The following ZNF785 variants were observed in gnomAD, a reference collection of about 807,000 sequenced individuals.
ZNF785 encodes the protein zinc finger protein 785.
ZNF785 carries 15 observed loss-of-function variants against 11.3 expected under a neutral mutation model. The observed-to-expected ratio is 1.32, with a 90% confidence interval of 0.89 to 2.04. ZNF785 has a LOEUF of 2.04. Ranked by LOEUF, ZNF785 falls within the 30% of genes most tolerant of loss-of-function variation. The probability of loss-of-function intolerance (pLI) is 0.00; values close to 1 mark genes in which losing one functional copy is unlikely to be tolerated. For missense variants in ZNF785, 572 were observed against 560.9 expected (o/e 1.02, Z -0.20); for synonymous variants, 221 against 231.0 (o/e 0.96, Z 0.39).
intron 2 of ZNF785, chr16:30,583,724 G>A: frequency 3.2e-6 from 1 of 314,920 alleles, no homozygotes; most frequent in Non-Finnish European, 5.8e-6. Flanking sequence ...GGGTGCCATG[G>A]CTCACACCTG....
At chr16:30,579,877 T>C, downstream of ZNF785, 1 of 455,230 alleles carries the variant, frequency 2.2e-6, no homozygotes, top group Admixed American at 2.4e-5. Flanking sequence ...CTCTCTTAAC[T>C]GTTGTTTTTT....
In ZNF785 at chr16:30,582,684, C is replaced by A; in HGVS notation, c.1094G>T (p.Cys365Phe). The A allele has an allele frequency of 6.2e-7, 1 of 1,614,080 alleles. No individual in the cohort carries two copies. Among genetic ancestry groups the A allele is most frequent in the South Asian group, 1.1e-5 (1 of 91,078 alleles). ...LEAHRWIHRS[C>F]SERRAWQQAV... ...CTGCTGCCACGCGCGCCTCTCGCTG[C>A]AGGAGCGGTGGATCCACCGATGGGC... Residue 365 changes from cysteine to phenylalanine, a missense_variant, in exon 3 of 3, where the codon TGC becomes TTC. Physicochemically the swap from Cys to Phe is radical, Grantham distance 205 (BLOSUM62 -2). Transcript: ENST00000395216.
chr16:30,583,359 T>G lies in ZNF785; in HGVS notation c.419A>C (p.Glu140Ala), dbSNP rs966422683. The change falls in exon 3 of 3, where the codon GAG becomes GCG. Residue 140 changes from glutamate (E) to alanine (A), a missense_variant. Transcript: ENST00000395216. ...TGGGCAGGCGACGCTGGGCCACCAC[T>G]CCTTGACAGCCACTTCATGCGCCAC... Reference protein sequence around the residue: ...KEVAHEVAVKEWWPSVACPEF... With the variant: ...KEVAHEVAVKAWWPSVACPEF... 1.9e-6 allele frequency: 3 copies of G among 1,612,622 alleles called. No individual in the cohort carries two copies. Among genetic ancestry groups the G allele is most frequent in the Admixed American group, 3.3e-5 (2 of 59,708 alleles).
chr16:30,583,052 G>A lies in ZNF785; in HGVS notation c.726C>T (p.Ser242=), dbSNP rs2051840525. ...TGTGAGCCCGCCTGTGGATAGCCAGGGAACCCCTCTGGCGGAAGCGGCGCC... is the reference window on the plus strand; with the variant it reads ...TGTGAGCCCGCCTGTGGATAGCCAGAGAACCCCTCTGGCGGAAGCGGCGCC... The part of the protein sequence containing the change: ...DCGRRFRQRG[S]LAIHRRAHTG... Residue 242 remains serine (S), a synonymous_variant, in exon 3 of 3, where the codon TCC becomes TCT. Transcript: ENST00000395216. 6.2e-7 allele frequency: 1 copy of A among 1,613,836 alleles called. No individual in the cohort carries two copies.
chr16:30,581,119 A>T lies in ZNF785; in HGVS notation c.*1441T>A, dbSNP rs2051802887. The T allele has an allele frequency of 6.6e-6, 1 of 151,946 alleles. No homozygotes were observed. Among genetic ancestry groups the T allele is most frequent in the Admixed American group, 6.6e-5 (1 of 15,180 alleles). 9.4% of individuals were successfully genotyped at this position (151,946 alleles called of 1,614,324 possible). On this transcript the variant is annotated 3_prime_UTR_variant, in exon 3 of 3. Coordinates refer to ENST00000395216, the MANE Select transcript of ZNF785 (RefSeq NM_152458.7). ...GCGGAGGTTGCAGTGAGCCAAGATCATGCCATTGCACTCTAGCCTGGGCAA... is the reference window on the plus strand; with the variant it reads ...GCGGAGGTTGCAGTGAGCCAAGATCTTGCCATTGCACTCTAGCCTGGGCAA...
At chr16:30,584,842 C>T (rs952443923) in intron 2 of ZNF785, among the ~76,000 whole-genome samples, 5 of 152,208 alleles carry the variant, frequency 3.3e-5, no homozygotes. Flanking sequence ...TTTTATCCCA[C>T]AACAAAAATC....
chr16:30,579,845 G>A (rs1422586119), downstream of ZNF785: 2 of 455,862 alleles, frequency 4.4e-6, no homozygotes, highest in African/African-American at 2.0e-5. Flanking sequence ...AGGGCTAGCA[G>A]ATCTAAATGG....
At chr16:30,580,026 T>G (rs2051786085), downstream of ZNF785, among the ~76,000 whole-genome samples, 1 of 151,012 alleles carries the variant, frequency 6.6e-6, no homozygotes, top group African/African-American at 2.4e-5. Flanking sequence ...TAGCTGGGAC[T>G]ACAGACGCCC....
rs764281062 is a variant in ZNF785 at position 30,582,579 on chromosome 16, A to G, written c.1199T>C (p.Ile400Thr). The G allele has an allele frequency of 1.9e-6, 3 of 1,614,014 alleles. No individual in the cohort carries two copies. The highest frequency in any genetic ancestry group is 3.3e-5 in the Admixed American group (2 of 60,018). Residue 400 changes from isoleucine to threonine, a missense_variant, in exon 3 of 3, where the codon ATA becomes ACA. By Grantham distance (89) the Ile-to-Thr change is moderately conservative. Coordinates refer to ENST00000395216, the MANE Select transcript of ZNF785 (RefSeq NM_152458.7). The stretch of plus-strand genomic sequence containing the variant: ...ACGCCATCACCCACACTCTTGAAAT[A>G]TATCTGGAAAGTGCCGGAAGTGAAC... ...PPVHFRHFPD[I>T]FQECG is the part of the protein sequence containing the mutation.
downstream of ZNF785, among the ~76,000 whole-genome samples, chr16:30,580,359 T>C (rs2051791198): frequency 6.7e-6 from 1 of 148,926 alleles, no homozygotes; most frequent in South Asian, 2.1e-4. Flanking sequence ...GGCTAATTTT[T>C]TTTTTTTTTT....
downstream of ZNF785, among the ~76,000 whole-genome samples, chr16:30,580,475 C>T (rs1205756163): frequency 6.6e-6 from 1 of 151,908 alleles, no homozygotes; most frequent in Non-Finnish European, 1.5e-5. Context: ...CTGCCTCAGC[C>T]TCCCAAGTAG....
In ZNF785 at chr16:30,582,539, G is replaced by C. The variant is rs759992352; in HGVS notation, c.*21C>G. ...GCCTCTTCCTCTCCAGGGAAACGCTGACCAGTTTGTGTGAACGCCATCACC... is the reference window on the plus strand; with the variant it reads ...GCCTCTTCCTCTCCAGGGAAACGCTCACCAGTTTGTGTGAACGCCATCACC... On this transcript the variant is annotated 3_prime_UTR_variant, in exon 3 of 3. Transcript: ENST00000395216. 1.2e-6 allele frequency: 2 copies of C among 1,611,858 alleles called. No homozygotes were observed. Among genetic ancestry groups the C allele is most frequent in the Non-Finnish European group, 1.7e-6 (2 of 1,178,576 alleles).
Position 30,583,455 on chromosome 16 carries a change from A to G in ZNF785, c.335-12T>C, listed in dbSNP as rs753189142. ...CCCATCCCTGGATCCTGAAACAGGG[A>G]AGATGATAAAATCAGAAACTCATCC... is the stretch of plus-strand genomic sequence containing the variant. On this transcript the variant is annotated splice_polypyrimidine_tract_variant and intron_variant, in intron 2 of 2. Coordinates refer to ENST00000395216, the MANE Select transcript of ZNF785 (RefSeq NM_152458.7). 4.6e-6 allele frequency: 7 copies of G among 1,522,406 alleles called. No individual in the cohort carries two copies. In the Admixed American group the frequency reaches 1.5e-4, roughly 34 times the overall value. 94.3% of individuals were successfully genotyped at this position (1,522,406 alleles called of 1,614,324 possible).
At position 30,585,477 on chromosome 16, in the gene ZNF785, G is replaced by T; in HGVS notation, c.135C>A (p.Cys45Ter). 1 of 1,603,958 alleles carries T rather than the reference G, an allele frequency of 6.2e-7. No individual in the cohort carries two copies. The highest frequency in any genetic ancestry group is 8.5e-7 in the Non-Finnish European group (1 of 1,175,812). Residue 45 changes from cysteine to a stop codon, truncating the protein, a stop_gained, in exon 1 of 3, where the codon TGC becomes TGA. Coordinates refer to ENST00000395216, the MANE Select transcript of ZNF785 (RefSeq NM_152458.7). LOFTEE classifies it high-confidence loss of function. The surrounding 1 kb of genome is among the most constrained non-coding windows in gnomAD (Gnocchi z 4.0). Reference sequence around the variant, plus strand: ...ACAGGGCCCTCTGCGCTGGCCGCAGGCATTCCCACTCCTCGGGAGAGAAGT... The same window carrying T: ...ACAGGGCCCTCTGCGCTGGCCGCAGTCATTCCCACTCCTCGGGAGAGAAGT... Reference protein sequence around the residue: ...AVYFSPEEWECLRPAQRALYR... With the variant: ...AVYFSPEEWE
At position 30,582,751 on chromosome 16, in the gene ZNF785, C is replaced by A. The variant is rs368528308; in HGVS notation, c.1027G>T (p.Val343Leu). 7 of 1,608,506 alleles carry A rather than the reference C, an allele frequency of 4.4e-6. No individual in the cohort carries two copies. In the African/African-American group the frequency reaches 8.0e-5, roughly 18 times the overall value. ...IHSDSRPFPC[V>L]ECGKGFKRKT... ...CGCTTGAAGCCTTTCCCACACTCCA[C>A]GCAGGGGAAGGGCCGGCTGTCGGAG... The change falls in exon 3 of 3, where the codon GTG becomes TTG. Residue 343 changes from valine (V) to leucine (L), a missense_variant. Coordinates refer to ENST00000395216, the MANE Select transcript of ZNF785 (RefSeq NM_152458.7).
In ZNF785 at chr16:30,581,598, T is replaced by C. The variant is rs1223432311; in HGVS notation, c.*962A>G. 2 of 152,028 alleles carry C rather than the reference T, an allele frequency of 1.3e-5. No individual in the cohort carries two copies. The highest frequency in any genetic ancestry group is 4.8e-5 in the African/African-American group (2 of 41,362). 9.4% of individuals were successfully genotyped at this position (152,028 alleles called of 1,614,324 possible). ...AAGAAAAAAACACTGCAATCACTAA[T>C]GCATACAGTGAAGAGTTGGCCCAGT... is the stretch of plus-strand genomic sequence containing the variant. On this transcript the variant is annotated 3_prime_UTR_variant, in exon 3 of 3. Transcript: ENST00000395216.
chr16:30,585,478 C>T lies in ZNF785; in HGVS notation c.134G>A (p.Cys45Tyr). 6.2e-7 allele frequency: 1 copy of T among 1,603,994 alleles called. No individual in the cohort carries two copies. Among genetic ancestry groups the T allele is most frequent in the Non-Finnish European group, 8.5e-7 (1 of 1,175,826 alleles). Reference protein sequence around the residue: ...AVYFSPEEWECLRPAQRALYR... With the variant: ...AVYFSPEEWEYLRPAQRALYR... ...CAGGGCCCTCTGCGCTGGCCGCAGGCATTCCCACTCCTCGGGAGAGAAGTA... is the reference window on the plus strand; with the variant it reads ...CAGGGCCCTCTGCGCTGGCCGCAGGTATTCCCACTCCTCGGGAGAGAAGTA... Residue 45 changes from cysteine to tyrosine, a missense_variant, in exon 1 of 3, where the codon TGC becomes TAC. Coordinates refer to ENST00000395216, the MANE Select transcript of ZNF785 (RefSeq NM_152458.7). The surrounding 1 kb of genome is among the most constrained non-coding windows in gnomAD (Gnocchi z 4.0).
downstream of ZNF785, chr16:30,579,451 C>A: frequency 1.1e-5 from 2 of 179,754 alleles, no homozygotes; most frequent in South Asian, 1.1e-4. Context: ...GCAATGGAGC[C>A]ATCTCAGCTT....
rs1419416938 is a variant in ZNF785 at position 30,582,837 on chromosome 16, CAG to C, written c.939_940del (p.Cys314SerfsTer2). 1 of 1,610,678 alleles carries C rather than the reference CAG, an allele frequency of 6.2e-7. No individual in the cohort carries two copies. The highest frequency in any genetic ancestry group is 8.5e-7 in the Non-Finnish European group (1 of 1,178,054). On this transcript the variant is annotated frameshift_variant, in exon 3 of 3. Transcript: ENST00000395216. LOFTEE classifies it low-confidence loss of function (END_TRUNC). The stretch of plus-strand genomic sequence containing the variant: ...GGTGAAGCGGCGGCCGCAGTCAGGA[CAG>C]GGGTAGGGCTTCTCGCCGGTGTGTA...
Sources: allele counts gnomAD v4.1 joint callset (sites outside exome capture counted in the v4.1 genomes callset), GRCh38; gene constraint gnomAD v4.1.1; non-coding constraint Gnocchi (gnomAD v3.1); transcripts MANE v1.5; gene names NCBI Gene and HGNC (gene_info 2026-07-23, HGNC 2026-07-21).